Variants in CENPM observed in about 807,000 individuals in gnomAD.
CENPM encodes the protein interphase centromere complex protein 39.
A neutral mutation model predicts 19.6 loss-of-function variants in CENPM; 14 were observed. The observed-to-expected ratio is 0.71, with a 90% confidence interval of 0.47 to 1.11. The LOEUF (loss-of-function observed/expected upper bound fraction) is 1.11, where lower values mean the gene tolerates loss of function less well. Ranked by LOEUF, CENPM falls within the 50% of genes most tolerant of loss-of-function variation. The pLI, the probability that CENPM is intolerant of heterozygous loss-of-function variation, is 0.00. For synonymous variants in CENPM, 114 were observed against 101.5 expected (o/e 1.12, Z -0.74); for missense variants, 239 against 228.4 (o/e 1.05, Z -0.30).
At chr22:41,930,195 C>G in the CENPM span, among the ~76,000 whole-genome samples, 1 of 150,950 alleles carries the variant, frequency 6.6e-6, no homozygotes, top group Admixed American at 6.6e-5. Flanking sequence ...CCCGCCTCGC[C>G]CTCCCAAAGT....
chr22:41,941,217 A>G (rs1309656610), intron 5 of CENPM, among the ~76,000 whole-genome samples: 2 of 152,202 alleles, frequency 1.3e-5, no homozygotes, highest in Non-Finnish European at 2.9e-5. Context: ...AATTCCTGCC[A>G]CGCAAAGGCC....
At chr22:41,946,738 C>A in intron 1 of CENPM, 1 of 598,328 alleles carries the variant, frequency 1.7e-6, no homozygotes. Flanking sequence ...CCGGCCTCTC[C>A]AGGAGGCCAG....
rs2077808167 is a variant in CENPM at position 41,946,683 on chromosome 22, C to T, written c.58-187G>A. The T allele has an allele frequency of 2.0e-5, 12 of 606,018 alleles. No homozygotes were observed. In the East Asian group the frequency reaches 3.1e-4, roughly 15 times the overall value. 37.5% of individuals were successfully genotyped at this position (606,018 alleles called of 1,614,324 possible). ...GCCTGAGGTTTGGACCCGCTGCAGG[C>T]CTGTGGGCACCGCACTCTCTACTAC... On this transcript the variant is annotated intron_variant, in intron 1 of 5. Coordinates refer to ENST00000215980, the MANE Select transcript of CENPM (RefSeq NM_024053.5).
chr22:41,945,011 G>C (rs779225960), intron 4 of CENPM: 51 of 1,380,734 alleles, frequency 3.7e-5, no homozygotes, highest in Non-Finnish European at 4.6e-5. Flanking sequence ...GGGGTTTGTT[G>C]TACAGATCAT....
Position 41,939,194 on chromosome 22 carries a change from C to T in CENPM, c.405G>A (p.Val135=). ...GCGCCATGGTGGCCCTAAAGCCTTCCACCTGCGGGGAGAGCAGAGAACAGC... is the reference window on the plus strand; with the variant it reads ...GCGCCATGGTGGCCCTAAAGCCTTCTACCTGCGGGGAGAGCAGAGAACAGC... The part of the protein sequence containing the change: ...QSPLLYCDLE[V]EGFRATMAQR... Residue 135 remains valine (V), a splice_region_variant and synonymous_variant, in exon 6 of 6, where the codon GTG becomes GTA. Coordinates refer to ENST00000215980, the MANE Select transcript of CENPM (RefSeq NM_024053.5). The T allele has an allele frequency of 1.9e-6, 3 of 1,609,994 alleles. No homozygotes were observed. The highest frequency in any genetic ancestry group is 2.5e-6 in the Non-Finnish European group (3 of 1,178,692).
chr22:41,945,890 C>T, intron 3 of CENPM, 23 bp downstream of exon 3: 1 of 1,595,754 alleles, frequency 6.3e-7, no homozygotes, highest in Non-Finnish European at 8.6e-7. Context: ...TGAGCCCTGA[C>T]TGCCCCTTCC....
At position 41,939,161 on chromosome 22, in the gene CENPM, C is replaced by T; in HGVS notation, c.438G>A (p.Leu146=). 6 of 1,612,482 alleles carry T rather than the reference C, an allele frequency of 3.7e-6. No homozygotes were observed. Among genetic ancestry groups the T allele is most frequent in the Non-Finnish European group, 5.1e-6 (6 of 1,179,780 alleles). ...EGFRATMAQR[L]VRVLQICAGH... ...CAGCACAGATCTGCAGCACGCGCACCAGGCGCTGCGCCATGGTGGCCCTAA... is the reference window on the plus strand; with the variant it reads ...CAGCACAGATCTGCAGCACGCGCACTAGGCGCTGCGCCATGGTGGCCCTAA... The change falls in exon 6 of 6, where the codon CTG becomes CTA. Residue 146 remains leucine, a synonymous_variant. Transcript: ENST00000215980.
intron 5 of CENPM, among the ~76,000 whole-genome samples, chr22:41,939,890 G>GAAAGAAAAAGAAAGAA (rs142335959): frequency 3.1e-5 from 1 of 32,062 alleles, no homozygotes; most frequent in African/African-American, 9.2e-5. Flanking sequence ...AAGAAAGAAA[G>GAAAGAAAAAGAAAGAA]AAAGAAAGAA....
At chr22:41,939,534 C>T (rs1392779746) in intron 5 of CENPM, among the ~76,000 whole-genome samples, 1 of 152,148 alleles carries the variant, frequency 6.6e-6, no homozygotes, top group African/African-American at 2.4e-5. Context: ...ATCAGGGCTA[C>T]TTCCAACCAA....
chr22:41,946,702 C>A (rs1056672168), intron 1 of CENPM: 8 of 599,582 alleles, frequency 1.3e-5, no homozygotes, highest in Non-Finnish European at 2.1e-5. Flanking sequence ...ACCGCACTCT[C>A]TACTACCCGA....
the CENPM span, among the ~76,000 whole-genome samples, chr22:41,932,836 C>T: frequency 7.2e-5 from 11 of 152,218 alleles, no homozygotes; most frequent in African/African-American, 1.9e-4. The surrounding 1 kb of genome is among the most constrained non-coding windows in gnomAD (Gnocchi z 4.3). Flanking sequence ...CCCTTGTGAA[C>T]GCAGAGGCCG....
chr22:41,944,605 G>A (rs761788626), intron 4 of CENPM: 23 of 907,918 alleles, frequency 2.5e-5, no homozygotes, highest in African/African-American at 9.0e-5. Context: ...AGCAATTACC[G>A]TGTCTGCCTC....
chr22:41,944,237 G>A (rs1162372460), intron 4 of CENPM: 1 of 587,448 alleles, frequency 1.7e-6, no homozygotes, highest in Admixed American at 6.3e-5. Flanking sequence ...AGGAGTTCAA[G>A]ACCAGCCTGG....
downstream of CENPM, among the ~76,000 whole-genome samples, chr22:41,934,482 G>GC (rs990017324): frequency 2.6e-5 from 4 of 152,020 alleles, no homozygotes; most frequent in African/African-American, 4.8e-5. Flanking sequence ...AGTAGCCTTC[G>GC]CCCCCCCATT....
chr22:41,947,137 G>C lies in CENPM; in HGVS notation c.-61C>G, dbSNP rs1420310462. On this transcript the variant is annotated 5_prime_UTR_variant, in exon 1 of 6. Coordinates refer to ENST00000215980, the MANE Select transcript of CENPM (RefSeq NM_024053.5). ...GCGCCGATCTTTCAAACCGCCCTGA[G>C]TCCAGCCCCTAGAGCGCGGCCTGGG... 122 of 1,557,708 alleles carry C rather than the reference G, an allele frequency of 7.8e-5. No individual in the cohort carries two copies. The highest frequency in any genetic ancestry group is 1.0e-4 in the Non-Finnish European group (118 of 1,135,370).
At chr22:41,931,965 T>C in the CENPM span, among the ~76,000 whole-genome samples, 5 of 152,268 alleles carry the variant, frequency 3.3e-5, no homozygotes, top group Non-Finnish European at 5.9e-5. Flanking sequence ...TACAGAAGTC[T>C]ATGAGTGACA....
chr22:41,939,253 C>A, intron 5 of CENPM, 57 bp from the exon 6 acceptor site: 1 of 1,532,144 alleles, frequency 6.5e-7, no homozygotes, highest in Non-Finnish European at 8.8e-7. Context: ...CTCCCTTACC[C>A]AGAGCAGCTG....
At position 41,946,576 on chromosome 22, in the gene CENPM, C is replaced by T. The variant is rs557995257; in HGVS notation, c.58-80G>A. 3 of 1,156,106 alleles carry T rather than the reference C, an allele frequency of 2.6e-6. No homozygotes were observed. The South Asian group carries it at 4.0e-5, about 16-fold the overall frequency. The allele number at this position is 1,156,106 out of a possible 1,614,324, so 71.6% of individuals were successfully genotyped here. On this transcript the variant is annotated intron_variant, in intron 1 of 5. Coordinates refer to ENST00000215980, the MANE Select transcript of CENPM (RefSeq NM_024053.5). ...AGGGCCTGGCCCTTCGACCCACTCCCGGGGGGATCGGGACACCGCCAGCAG... is the reference window on the plus strand; with the variant it reads ...AGGGCCTGGCCCTTCGACCCACTCCTGGGGGGATCGGGACACCGCCAGCAG...
rs1471143895 is a variant in CENPM, at chr22:41,946,181, C to G, written c.138-176G>C. ...AGCACAGAGGCAGGACAGGTCCGGT[C>G]CTATTCAGATTACTCCTGTCTGATT... On this transcript the variant is annotated intron_variant, in intron 2 of 5. Transcript: ENST00000215980. 7.4e-6 allele frequency: 5 copies of G among 674,300 alleles called. No individual in the cohort carries two copies. In the African/African-American group the frequency reaches 9.1e-5, roughly 12 times the overall value. 41.8% of individuals were successfully genotyped at this position (674,300 alleles called of 1,614,324 possible).
Sources: allele counts gnomAD v4.1 joint callset (sites outside exome capture counted in the v4.1 genomes callset), GRCh38; gene constraint gnomAD v4.1.1; non-coding constraint Gnocchi (gnomAD v3.1); transcripts MANE v1.5; gene names NCBI Gene and HGNC (gene_info 2026-07-23, HGNC 2026-07-21).